Variants in WASF3 observed in about 807,000 individuals in gnomAD.
WASF3 encodes actin-binding protein WASF3.
In WASF3, 11 loss-of-function variants were observed where a neutral mutation model predicts 46.6. The ratio of observed to expected loss-of-function variants is 0.24; its 90% CI spans 0.15 to 0.39. WASF3 has a LOEUF of 0.39. WASF3 is among the 10% of genes least tolerant of loss of function. The pLI, the probability that WASF3 is intolerant of heterozygous loss-of-function variation, is 1.00. For synonymous variants in WASF3, 242 were observed against 259.7 expected (o/e 0.93, Z 0.65); for missense variants, 576 against 669.8 (o/e 0.86, Z 1.55).
chr13:26,579,798 A>G lies in WASF3; in HGVS notation c.-109+21979A>G, dbSNP rs116800357. Among the ~76,000 whole-genome samples, 860 of 152,242 alleles carry G rather than the reference A, an allele frequency of 5.6e-3. 10 individuals are homozygous for G. Among genetic ancestry groups the G allele is most frequent in the African/African-American group, 0.02 (819 of 41,524 alleles). The stretch of plus-strand genomic sequence containing the variant: ...TATGCTTGGTCATCAGAAATGAATG[A>G]ACTGGCAAGGGAAATGAATAAATGA... On this transcript the variant is annotated intron_variant, in intron 1 of 9. Transcript: ENST00000335327.
intron 2 of WASF3, among the ~76,000 whole-genome samples, chr13:26,624,030 A>G (rs758545526): frequency 2.0e-5 from 3 of 152,244 alleles, no homozygotes; most frequent in Non-Finnish European, 4.4e-5. Flanking sequence ...GACAAGAAAT[A>G]CTGTTTACTT....
At chr13:26,683,454 C>T (rs913637383) in intron 9 of WASF3, among the ~76,000 whole-genome samples, 5 of 148,562 alleles carry the variant, frequency 3.4e-5, no homozygotes, top group African/African-American at 1.2e-4. Flanking sequence ...CCAGCCTAGG[C>T]GACAGAGCGA....
rs533922554 is a variant in WASF3, at chr13:26,592,055, C to T, written c.-108-20906C>T. ...TTTTTTTTTTTTTTTTGCTTTCTAC[C>T]GCAGTGATTCTAGATTATTTTGGGC... is the stretch of plus-strand genomic sequence containing the variant. On this transcript the variant is annotated intron_variant, in intron 1 of 9. Coordinates refer to ENST00000335327, the MANE Select transcript of WASF3 (RefSeq NM_006646.6). Among the ~76,000 whole-genome samples, 161 of 148,982 alleles carry T rather than the reference C, an allele frequency of 1.1e-3. 1 individual carries two copies. The highest frequency in any genetic ancestry group is 3.4e-3 in the African/African-American group (135 of 40,096).
intron 1 of WASF3, among the ~76,000 whole-genome samples, chr13:26,573,470 A>G (rs1004538705): frequency 2.0e-5 from 3 of 151,962 alleles, no homozygotes; most frequent in Admixed American, 6.6e-5. Flanking sequence ...ATTTGATGCA[A>G]TCCCATTTGT....
chr13:26,624,839 T>C (rs1010355781), intron 2 of WASF3, among the ~76,000 whole-genome samples: 2 of 152,138 alleles, frequency 1.3e-5, no homozygotes, highest in African/African-American at 2.4e-5. Context: ...ATAACATTTT[T>C]AAAGTATCAA....
chr13:26,596,278 C>T (rs1423751392), intron 1 of WASF3, among the ~76,000 whole-genome samples: 1 of 151,550 alleles, frequency 6.6e-6, no homozygotes, highest in Admixed American at 6.6e-5. Context: ...GTCTGTATAT[C>T]CTCTTTGGTG....
intron 2 of WASF3, among the ~76,000 whole-genome samples, chr13:26,640,190 C>T (rs908004623): frequency 2.0e-5 from 3 of 152,046 alleles, no homozygotes; most frequent in African/African-American, 4.8e-5. Context: ...TCCCACTGGG[C>T]CCCACTTTCA....
chr13:26,555,482 T>A (rs1274317046), upstream of WASF3, among the ~76,000 whole-genome samples: 1 of 152,092 alleles, frequency 6.6e-6, no homozygotes, highest in Non-Finnish European at 1.5e-5. Flanking sequence ...CTAAAGGTGG[T>A]CATGTGACAT....
intron 3 of WASF3, among the ~76,000 whole-genome samples, chr13:26,642,706 A>G (rs1417196323): frequency 6.6e-6 from 1 of 152,230 alleles, no homozygotes; most frequent in Non-Finnish European, 1.5e-5. Flanking sequence ...GTAATTTTTT[A>G]AACTATCAAT....
At chr13:26,621,927 G>T (rs1881318455) in intron 2 of WASF3, among the ~76,000 whole-genome samples, 1 of 152,088 alleles carries the variant, frequency 6.6e-6, no homozygotes, top group African/African-American at 2.4e-5. Flanking sequence ...AAATGAGAAG[G>T]CCACACTGAG....
chr13:26,661,257 G>A (rs775063964), intron 3 of WASF3, among the ~76,000 whole-genome samples: 44 of 152,254 alleles, frequency 2.9e-4, no homozygotes, highest in Non-Finnish European at 4.3e-4. Context: ...AAAACTCTGC[G>A]CTCGTTACAG....
In WASF3 at chr13:26,681,143, C is replaced by T. The variant is rs1883215122; in HGVS notation, c.806C>T (p.Ala269Val). Residue 269 changes from alanine (A) to valine (V), a missense_variant, in exon 8 of 10, where the codon GCT (alanine) becomes GTT (valine). Physicochemically the swap from Ala to Val is moderately conservative, Grantham distance 64. Around this residue, in one of 3 missense-constraint regions of WASF3, gnomAD observed 295 missense variants for 291.5 expected, o/e 1.01. Transcript: ENST00000335327. ...CAGCCTGTGACCCCTTCCTATGCAG[C>T]TGGTGACGTGCCACCACACGGGCCT... Reference protein sequence around the residue: ...HPQPVTPSYAAGDVPPHGPAS... With the variant: ...HPQPVTPSYAVGDVPPHGPAS... The T allele has an allele frequency of 6.2e-7, 1 of 1,614,076 alleles. No individual in the cohort carries two copies.
intron 2 of WASF3, among the ~76,000 whole-genome samples, chr13:26,629,219 T>C (rs2137257462): frequency 6.6e-6 from 1 of 152,322 alleles, no homozygotes; most frequent in East Asian, 1.9e-4. Context: ...TCAGTGTCTC[T>C]TTGGTGGGAA....
chr13:26,554,096 C>CTTCTTTCTTTCCTTCT (rs1879039599), upstream of WASF3, among the ~76,000 whole-genome samples: 9 of 7,372 alleles, frequency 1.2e-3, no homozygotes, highest in Non-Finnish European at 2.4e-3. Context: ...TCCTTCCTTC[C>CTTCTTTCTTTCCTTCT]TTCTTTCTTT....
At chr13:26,592,029 T>C (rs75779590) in intron 1 of WASF3, among the ~76,000 whole-genome samples, 1 of 13,428 alleles carries the variant, frequency 7.4e-5, no homozygotes, top group Non-Finnish European at 3.4e-4. Context: ...CAGGCGAGTT[T>C]TTTTTTTTTT....
At chr13:26,649,754 C>T (rs745824308) in intron 3 of WASF3, among the ~76,000 whole-genome samples, 7 of 152,204 alleles carry the variant, frequency 4.6e-5, no homozygotes, top group South Asian at 4.2e-4. Flanking sequence ...TCTCTTTGTT[C>T]GTCCATTCAG....
chr13:26,543,735 CA>C, the WASF3 span, among the ~76,000 whole-genome samples: 1 of 152,204 alleles, frequency 6.6e-6, no homozygotes, highest in Admixed American at 6.5e-5. Flanking sequence ...GGTTCTCTTT[CA>C]AAATCCCGGA....
chr13:26,595,636 C>T (rs1593137745), intron 1 of WASF3, among the ~76,000 whole-genome samples: 6 of 152,296 alleles, frequency 3.9e-5, no homozygotes, highest in Admixed American at 3.9e-4. Flanking sequence ...CAAAATCTCC[C>T]TTGTGCAATT....
At chr13:26,597,925 T>C (rs1396843506) in intron 1 of WASF3, among the ~76,000 whole-genome samples, 1 of 152,210 alleles carries the variant, frequency 6.6e-6, no homozygotes, top group East Asian at 1.9e-4. Flanking sequence ...GCAATAAACA[T>C]ACGTGTGCAT....
Sources: gnomAD v4.1 joint callset for allele counts (sites outside exome capture counted in the v4.1 genomes callset) on GRCh38, gnomAD v4.1.1 for gene constraint, gnomAD v4.1.1 regional missense constraint, MANE v1.5 for transcripts, NCBI Gene and HGNC (gene_info 2026-07-23, HGNC 2026-07-21) for gene names.